The following TBCD variants were observed in gnomAD, a reference collection of about 807,000 sequenced individuals.
TBCD encodes tubulin folding cofactor D.
In TBCD, 105 loss-of-function variants were observed where a neutral mutation model predicts 169.3. The observed-to-expected ratio is 0.62, with a 90% CI of 0.53 to 0.73. The LOEUF (loss-of-function observed/expected upper bound fraction) is 0.73. Among genes scored for constraint, TBCD ranks in the 30% least tolerant of loss-of-function variants. The pLI, the probability that TBCD is intolerant of heterozygous loss-of-function variation, is 0.00. For synonymous variants in TBCD, 700 were observed against 643.9 expected, an observed-to-expected ratio of 1.09 and a Z score of -1.32; for missense variants, 1,444 against 1,600.1, an observed-to-expected ratio of 0.90 and a Z score of 1.66.
Position 82,792,169 on chromosome 17 carries a change from G to T in TBCD, c.772-5588G>T, listed in dbSNP as rs867509195. ...CTAAAAATACAAAAATTAGCCGGGCGTGGTGGCGGGCGCCTGTAGTCCCAG... is the reference window on the plus strand; with the variant it reads ...CTAAAAATACAAAAATTAGCCGGGCTTGGTGGCGGGCGCCTGTAGTCCCAG... On this transcript the variant is annotated intron_variant, in intron 7 of 38. Coordinates refer to ENST00000355528, the MANE Select transcript of TBCD (RefSeq NM_005993.5). 2.6e-5 allele frequency among the ~76,000 whole-genome samples: 4 copies of T among 152,224 alleles called. No homozygotes were observed. The South Asian group carries it at 6.2e-4, about 24-fold the overall frequency.
At chr17:82,858,609 G>A (rs1319799490) in intron 13 of TBCD, 19 of 985,262 alleles carry the variant, frequency 1.9e-5, no homozygotes, top group Admixed American at 6.1e-5. Flanking sequence ...GGCCTGGTTC[G>A]CTGGGTGTGC....
At chr17:82,855,273 A>ATTTTTTTTTTT (rs1277375028) in intron 13 of TBCD, among the ~76,000 whole-genome samples, 17 of 59,624 alleles carry the variant, frequency 2.9e-4, no homozygotes, top group African/African-American at 8.0e-4. Context: ...TTTTTTTTTA[A>ATTTTTTTTTTT]TTTTTTAGAG....
chr17:82,835,613 T>C lies in TBCD; in HGVS notation c.1318+20679T>C, dbSNP rs1375949468. ...AATTTTTTTGTAATTTTAGTAGAGATGGGGTTTCACTATGTTGGCCCGGCT... is the reference window on the plus strand; with the variant it reads ...AATTTTTTTGTAATTTTAGTAGAGACGGGGTTTCACTATGTTGGCCCGGCT... On this transcript the variant is annotated intron_variant, in intron 13 of 38. Coordinates refer to ENST00000355528, the MANE Select transcript of TBCD (RefSeq NM_005993.5). This position sits in a 1 kb window ranked among gnomAD's most constrained non-coding sequence, Gnocchi z 4.5. 6.6e-6 allele frequency among the ~76,000 whole-genome samples: 1 copy of C among 151,874 alleles called. No homozygotes were observed. Among genetic ancestry groups the C allele is most frequent in the Non-Finnish European group, 1.5e-5 (1 of 67,980 alleles).
chr17:82,784,169 C>T (rs1330708637), intron 7 of TBCD, among the ~76,000 whole-genome samples: 1 of 152,002 alleles, frequency 6.6e-6, no homozygotes, highest in African/African-American at 2.4e-5. Flanking sequence ...CTTTCAGTAC[C>T]CTTGGGTACA....
Position 82,889,648 on chromosome 17 carries a change from GT to G in TBCD, c.1534-17del. ...GAAGCTGACCTCGCTCACCTGCTGTGTTTGTTCTTTGCTCCGCAGGCCGCCT... is the reference window on the plus strand; with the variant it reads ...GAAGCTGACCTCGCTCACCTGCTGTGTTGTTCTTTGCTCCGCAGGCCGCCT... On this transcript the variant is annotated intron_variant, in intron 15 of 38. Transcript: ENST00000355528. This position sits in a 1 kb window ranked among gnomAD's most constrained non-coding sequence, Gnocchi z 5.3. 4 of 1,613,972 alleles carry G rather than the reference GT, an allele frequency of 2.5e-6. No individual in the cohort carries two copies. Among genetic ancestry groups the G allele is most frequent in the Non-Finnish European group, 3.4e-6 (4 of 1,179,866 alleles).
chr17:82,892,648 G>A (rs2059222052), intron 16 of TBCD, among the ~76,000 whole-genome samples: 2 of 152,190 alleles, frequency 1.3e-5, no homozygotes, highest in African/African-American at 4.8e-5. Context: ...GTGCAGGGTG[G>A]TGATGAATGG....
chr17:82,937,816 T>G, intron 35 of TBCD: 1 of 1,442,866 alleles, frequency 6.9e-7, no homozygotes, highest in South Asian at 1.4e-5. Context: ...CTGCAGGAGA[T>G]CCTCTGTGAG....
chr17:82,903,317 T>G lies in TBCD; in HGVS notation c.1731-88T>G. The G allele has an allele frequency of 7.8e-7, 1 of 1,283,674 alleles. No homozygotes were observed. The highest frequency in any genetic ancestry group is 1.1e-6 in the Non-Finnish European group (1 of 907,504). The allele number at this position is 1,283,674 out of a possible 1,614,324, so 79.5% of individuals were successfully genotyped here. Reference sequence around the variant, plus strand: ...CTAAGTGGCCGGTTGAGGACTCGTGTGTTGTCTCCCTCACTTTCTTTTTAT... The same window carrying G: ...CTAAGTGGCCGGTTGAGGACTCGTGGGTTGTCTCCCTCACTTTCTTTTTAT... On this transcript the variant is annotated intron_variant, in intron 18 of 38. Transcript: ENST00000355528. The surrounding 1 kb of genome is among the most constrained non-coding windows in gnomAD (Gnocchi z 4.8).
chr17:82,857,663 G>A (rs559564047), intron 13 of TBCD, among the ~76,000 whole-genome samples: 8 of 151,438 alleles, frequency 5.3e-5, no homozygotes, highest in African/African-American at 1.7e-4. Flanking sequence ...TGACAGGAAA[G>A]TATGAAGCTT....
rs568279361 is a variant in TBCD at position 82,944,264 on chromosome 17, C to G, written c.*1801C>G. 1.6e-5 allele frequency: 2 copies of G among 121,606 alleles called. No individual in the cohort carries two copies. Among genetic ancestry groups the G allele is most frequent in the South Asian group, 2.8e-4 (1 of 3,614 alleles). 7.5% of individuals were successfully genotyped at this position (121,606 alleles called of 1,614,324 possible). A position where few individuals can be genotyped will look rare whatever the true frequency, so the allele number is the denominator to read the frequency against. Reference sequence around the variant, plus strand: ...GGAAAGTGGATCACTCCACTGGCCACTGCCTCTTTCCCACTGGATCCCATC... The same window carrying G: ...GGAAAGTGGATCACTCCACTGGCCAGTGCCTCTTTCCCACTGGATCCCATC... On this transcript the variant is annotated 3_prime_UTR_variant, in exon 39 of 39. Transcript: ENST00000355528.
chr17:82,798,248 G>A (rs578250888), intron 8 of TBCD, among the ~76,000 whole-genome samples: 2 of 151,336 alleles, frequency 1.3e-5, no homozygotes, highest in African/African-American at 4.9e-5. Context: ...CTGGATTCAC[G>A]CCATTCTCCT....
chr17:82,932,948 A>T (rs1243682078), intron 34 of TBCD: 3 of 574,174 alleles, frequency 5.2e-6, no homozygotes, highest in African/African-American at 3.8e-5. Context: ...TTATGACTGT[A>T]AGTGCAGTCA....
At chr17:82,758,400 A>ATAAAAAAAATAAAT (rs1555672640) in intron 2 of TBCD, among the ~76,000 whole-genome samples, 1 of 100,032 alleles carries the variant, frequency 1.0e-5, no homozygotes, top group African/African-American at 3.6e-5. Context: ...AAAAAAAAAA[A>ATAAAAAAAATAAAT]AAATAAATAA....
At position 82,924,983 on chromosome 17, in the gene TBCD, G is replaced by A; in HGVS notation, c.2305G>A (p.Glu769Lys). Reference sequence around the variant, plus strand: ...CCTGGCTGAGCTTCGGAACCCCGAGGAGATGACTCGCTGTGGCTTCTCGTT... The same window carrying A: ...CCTGGCTGAGCTTCGGAACCCCGAGAAGATGACTCGCTGTGGCTTCTCGTT... ...QYLAELRNPE[E>K]MTRCGFSLAL... Residue 769 changes from glutamate to lysine, a missense_variant, in exon 27 of 39, where the codon GAG becomes AAG. By Grantham distance (56) the Glu-to-Lys change is moderately conservative. Transcript: ENST00000355528. The A allele has an allele frequency of 1.3e-6, 2 of 1,575,756 alleles. No homozygotes were observed. Among genetic ancestry groups the A allele is most frequent in the Middle Eastern group, 1.7e-4 (1 of 6,022 alleles).
At chr17:82,773,694 T>C (rs1410044099) in intron 6 of TBCD, among the ~76,000 whole-genome samples, 1 of 151,450 alleles carries the variant, frequency 6.6e-6, no homozygotes, top group Non-Finnish European at 1.5e-5. Flanking sequence ...CAAAACGAGA[T>C]GACCTGGTGC....
chr17:82,799,172 T>C (rs2050315480), intron 8 of TBCD, among the ~76,000 whole-genome samples: 1 of 152,058 alleles, frequency 6.6e-6, no homozygotes, highest in Non-Finnish European at 1.5e-5. Flanking sequence ...GGACTGGGCG[T>C]TGTGGCTCAC....
At chr17:82,795,477 G>A in intron 7 of TBCD, 4 of 958,946 alleles carry the variant, frequency 4.2e-6, no homozygotes, top group Non-Finnish European at 3.7e-6. Context: ...TTTTCCAGCA[G>A]CCTCTGTAGC....
chr17:82,752,530 C>T (rs1371251486), intron 1 of TBCD, among the ~76,000 whole-genome samples, 153 bp downstream of exon 1: 2 of 151,900 alleles, frequency 1.3e-5, no homozygotes, highest in Non-Finnish European at 1.5e-5. Context: ...GGGGCGCGGC[C>T]TTCCTAGGCG....
chr17:82,772,381 G>A lies in TBCD; in HGVS notation c.583-71G>A, dbSNP rs1027760732. On this transcript the variant is annotated intron_variant, in intron 5 of 38. Coordinates refer to ENST00000355528, the MANE Select transcript of TBCD (RefSeq NM_005993.5). Reference sequence around the variant, plus strand: ...CGGGGAGCTGGTGAGGGTGGGACTGGTGACTGTGTGGTGTCCCCAAGGCTG... The same window carrying A: ...CGGGGAGCTGGTGAGGGTGGGACTGATGACTGTGTGGTGTCCCCAAGGCTG... 16 of 1,531,932 alleles carry A rather than the reference G, an allele frequency of 1.0e-5. 1 individual carries two copies. In the Admixed American group the frequency reaches 2.5e-4, roughly 24 times the overall value. 94.9% of individuals were successfully genotyped at this position (1,531,932 alleles called of 1,614,324 possible). A position where few individuals can be genotyped will look rare whatever the true frequency, so the allele number is the denominator to read the frequency against.
Sources: allele counts gnomAD v4.1 joint callset (sites outside exome capture counted in the v4.1 genomes callset), GRCh38; gene constraint gnomAD v4.1.1; non-coding constraint Gnocchi (gnomAD v3.1); transcripts MANE v1.5; gene names NCBI Gene and HGNC (gene_info 2026-07-23, HGNC 2026-07-21).